Variants in KIF26B observed in about 807,000 individuals in gnomAD.
KIF26B encodes the protein kinesin family member 26B.
KIF26B carries 63 observed loss-of-function variants against 151.2 expected under a neutral mutation model. The ratio of observed to expected loss-of-function variants is 0.42; its 90% CI spans 0.34 to 0.51. The LOEUF is 0.51. KIF26B is among the 20% of genes least tolerant of loss of function. The probability of loss-of-function intolerance (pLI) is 0.07; values close to 1 mark genes in which losing one functional copy is unlikely to be tolerated. For synonymous variants in KIF26B, 1,357 were observed against 1,262.1 expected (o/e 1.08, Z -1.59); for missense variants, 2,813 against 2,913.6 (o/e 0.97, Z 0.79).
intron 4 of KIF26B, among the ~76,000 whole-genome samples, chr1:245,504,636 T>TCA (rs1173929513): frequency 6.6e-6 from 1 of 151,992 alleles, no homozygotes; most frequent in Non-Finnish European, 1.5e-5. Flanking sequence ...AGATAGTGTC[T>TCA]CACTATGTTG....
At chr1:245,300,855 G>C (rs1671417531) in intron 2 of KIF26B, among the ~76,000 whole-genome samples, 1 of 147,576 alleles carries the variant, frequency 6.8e-6, no homozygotes, top group African/African-American at 2.5e-5. Flanking sequence ...TATTGAAATG[G>C]AGTCTCACTC....
intron 2 of KIF26B, among the ~76,000 whole-genome samples, chr1:245,222,370 G>A (rs1051865909): frequency 1.4e-4 from 21 of 152,170 alleles, no homozygotes; most frequent in African/African-American, 4.6e-4. Flanking sequence ...CCGGGAGGCG[G>A]AGGTTGCAGT....
intron 4 of KIF26B, among the ~76,000 whole-genome samples, chr1:245,426,524 T>C (rs953069305): frequency 6.6e-6 from 1 of 152,216 alleles, no homozygotes; most frequent in African/African-American, 2.4e-5. Flanking sequence ...TCTTGTGTGG[T>C]ATCTTCCATC....
At chr1:245,346,218 C>T (rs1203461009) in intron 2 of KIF26B, among the ~76,000 whole-genome samples, 1 of 152,138 alleles carries the variant, frequency 6.6e-6, no homozygotes, top group South Asian at 2.1e-4. Context: ...GCTGGGATAA[C>T]AGGCGTGAGC....
intron 3 of KIF26B, among the ~76,000 whole-genome samples, chr1:245,403,214 C>T (rs972679676): frequency 6.6e-6 from 1 of 152,104 alleles, no homozygotes; most frequent in African/African-American, 2.4e-5. Flanking sequence ...CTCAAGTGAT[C>T]CTCCTGCCTC....
chr1:245,362,975 G>C (rs1022612413), intron 2 of KIF26B, among the ~76,000 whole-genome samples: 1 of 152,164 alleles, frequency 6.6e-6, no homozygotes, highest in Non-Finnish European at 1.5e-5. Flanking sequence ...CGCTGCTCCC[G>C]TGAGACTATC....
chr1:245,363,574 T>TA (rs1672871794), intron 2 of KIF26B, among the ~76,000 whole-genome samples: 1 of 152,238 alleles, frequency 6.6e-6, no homozygotes, highest in Non-Finnish European at 1.5e-5. Flanking sequence ...TACAGAAAGC[T>TA]ATGGCTGTTG....
chr1:245,444,037 A>C (rs75462211), intron 4 of KIF26B, among the ~76,000 whole-genome samples: 11 of 108,056 alleles, frequency 1.0e-4, no homozygotes, highest in African/African-American at 1.7e-4. Context: ...TCTAGAGGAG[A>C]GGTCATCTCC....
rs191436733 is a variant in KIF26B, at chr1:245,348,810, C to T, written c.466-18024C>T. ...CTTGCTGTTCCCAGTTACGCCAACTCGCCCCCACCCAGTCCTTCATGTCTG... is the reference window on the plus strand; with the variant it reads ...CTTGCTGTTCCCAGTTACGCCAACTTGCCCCCACCCAGTCCTTCATGTCTG... On this transcript the variant is annotated intron_variant, in intron 2 of 14. Transcript: ENST00000407071. Among the ~76,000 whole-genome samples, 23 of 152,324 alleles carry T rather than the reference C, an allele frequency of 1.5e-4. No homozygotes were observed. In the East Asian group the frequency reaches 3.1e-3, roughly 20 times the overall value.
rs781534382 is a variant in KIF26B at position 245,243,445 on chromosome 1, T to TAC, written c.465+86763_465+86764insCA. Among the ~76,000 whole-genome samples, 771 of 146,134 alleles carry TAC rather than the reference T, an allele frequency of 5.3e-3. 3 individuals are homozygous for TAC. Among genetic ancestry groups the TAC allele is most frequent in the Admixed American group, 7.3e-3 (106 of 14,464 alleles). ...CTATATATATACATACATATATATA[T>TAC]ATACACACACACACACACACACACA... is the stretch of plus-strand genomic sequence containing the variant. On this transcript the variant is annotated intron_variant, in intron 2 of 14. Coordinates refer to ENST00000407071, the MANE Select transcript of KIF26B (RefSeq NM_018012.4).
At chr1:245,596,746 C>T (rs2103141053) in intron 5 of KIF26B, among the ~76,000 whole-genome samples, 1 of 152,208 alleles carries the variant, frequency 6.6e-6, no homozygotes, top group South Asian at 2.1e-4. Flanking sequence ...TAAAGTCTCC[C>T]ACTATTATTG....
At chr1:245,205,184 T>A (rs1472192525) in intron 2 of KIF26B, among the ~76,000 whole-genome samples, 15 of 152,144 alleles carry the variant, frequency 9.9e-5, no homozygotes, top group Admixed American at 9.8e-4. Context: ...TAGAGTACAT[T>A]CTAAACACAG....
At chr1:245,581,979 G>C (rs2043180107) in intron 5 of KIF26B, among the ~76,000 whole-genome samples, 1 of 126,398 alleles carries the variant, frequency 7.9e-6, no homozygotes, top group Admixed American at 7.5e-5. Context: ...TAAGCAATAA[G>C]CATGAAGTGG....
chr1:245,222,419 T>G (rs1669793534), intron 2 of KIF26B, among the ~76,000 whole-genome samples: 1 of 152,030 alleles, frequency 6.6e-6, no homozygotes, highest in Non-Finnish European at 1.5e-5. Flanking sequence ...CCTGGGTGAC[T>G]AGAGTGAGAC....
At chr1:245,258,342 G>C (rs1670577588) in intron 2 of KIF26B, among the ~76,000 whole-genome samples, 1 of 152,308 alleles carries the variant, frequency 6.6e-6, no homozygotes, top group South Asian at 2.1e-4. Flanking sequence ...GGGGCCCCGT[G>C]AGATGTGAAC....
chr1:245,332,940 ATCC>A (rs1672143619), intron 2 of KIF26B, among the ~76,000 whole-genome samples: 1 of 152,186 alleles, frequency 6.6e-6, no homozygotes, highest in African/African-American at 2.4e-5. Context: ...GTCTCTCCAA[ATCC>A]AGCAGAAAAA....
chr1:245,614,655 T>TA (rs2043565352), intron 9 of KIF26B: 2 of 152,262 alleles, frequency 1.3e-5, no homozygotes, highest in Non-Finnish European at 1.5e-5. Flanking sequence ...GGTCCTCACT[T>TA]ACAGCGGGCG....
intron 4 of KIF26B, among the ~76,000 whole-genome samples, chr1:245,421,770 G>A (rs543713164): frequency 6.6e-6 from 1 of 152,148 alleles, no homozygotes; most frequent in African/African-American, 2.4e-5. Context: ...TAAATTCTTG[G>A]TGCGAGGAAA....
At chr1:245,203,162 G>A (rs1447577950) in intron 2 of KIF26B, among the ~76,000 whole-genome samples, 1 of 148,778 alleles carries the variant, frequency 6.7e-6, no homozygotes, top group Non-Finnish European at 1.5e-5. Context: ...CAGGAGAATA[G>A]CTTGAACCTG....
Sources: gnomAD v4.1 joint callset for allele counts (sites outside exome capture counted in the v4.1 genomes callset) on GRCh38, gnomAD v4.1.1 for gene constraint, MANE v1.5 for transcripts, NCBI Gene and HGNC (gene_info 2026-07-23, HGNC 2026-07-21) for gene names.